NCEH1: variants seen among roughly 807,000 people sequenced by gnomAD.
NCEH1 encodes neutral cholesterol ester hydrolase 1.
NCEH1 carries 9 observed loss-of-function variants against 25.4 expected under a neutral mutation model. That is an observed-to-expected ratio of 0.35 (90% confidence interval 0.21 to 0.62). NCEH1 has a LOEUF of 0.62. NCEH1 is among the 20% of genes least tolerant of loss of function. NCEH1 has a pLI of 0.72. For missense variants in NCEH1, 412 were observed against 501.1 expected (o/e 0.82, Z 1.70); for synonymous variants, 200 against 199.8 (o/e 1.00, Z -0.01).
chr3:172,653,756 T>TGC lies in NCEH1; in HGVS notation c.139-5643_139-5642insGC. On this transcript the variant is annotated intron_variant, in intron 1 of 4. Coordinates refer to ENST00000475381, the MANE Select transcript of NCEH1 (RefSeq NM_020792.6). ...TTCTGTTTTTTTTGTTTTTTTGTTT[T>TGC]TTTGTTTTTTTTTTTTTTTGAGACA... 2.1e-5 allele frequency among the ~76,000 whole-genome samples: 2 copies of TGC among 96,942 alleles called. 1 individual carries two copies. The highest frequency in any genetic ancestry group is 1.0e-4 in the African/African-American group (2 of 19,358). The allele number at this position is 96,942 out of a possible 152,430, so 63.6% of individuals were successfully genotyped here.
intron 3 of NCEH1, among the ~76,000 whole-genome samples, chr3:172,638,018 G>A (rs541111380): frequency 6.6e-6 from 1 of 152,116 alleles, no homozygotes; most frequent in African/African-American, 2.4e-5. Context: ...ACAAGACCTG[G>A]GCGAAAGAGC....
intron 1 of NCEH1, among the ~76,000 whole-genome samples, chr3:172,653,752 G>GTTTTTTGT (rs1717543889): frequency 1.2e-5 from 1 of 83,840 alleles, no homozygotes; most frequent in African/African-American, 4.2e-5. Flanking sequence ...TTGTTTTTTT[G>GTTTTTTGT]TTTTTTTGTT....
chr3:172,641,959 T>C (rs567865662), intron 3 of NCEH1, among the ~76,000 whole-genome samples: 7 of 152,332 alleles, frequency 4.6e-5, no homozygotes, highest in South Asian at 4.1e-4. Flanking sequence ...CCATCACTTA[T>C]CACACTTTTA....
intron 1 of NCEH1, among the ~76,000 whole-genome samples, chr3:172,661,586 G>A (rs543353105): frequency 6.6e-5 from 10 of 152,268 alleles, no homozygotes; most frequent in Non-Finnish European, 1.3e-4. Flanking sequence ...TCACAATATT[G>A]ATTCTTCCTA....
chr3:172,639,536 T>A (rs1716752892), intron 3 of NCEH1, among the ~76,000 whole-genome samples: 1 of 152,186 alleles, frequency 6.6e-6, no homozygotes, highest in South Asian at 2.1e-4. Flanking sequence ...TGCTCAAAGC[T>A]ATGTCCCTGC....
chr3:172,655,809 G>C (rs1174502840), intron 1 of NCEH1, among the ~76,000 whole-genome samples: 1 of 152,094 alleles, frequency 6.6e-6, no homozygotes, highest in Non-Finnish European at 1.5e-5. Context: ...AATTTGCTCA[G>C]GTAAAGTTGA....
Position 172,710,921 on chromosome 3 carries a change from G to A in NCEH1, c.64C>T (p.Pro22Ser), listed in dbSNP as rs1457111286. The A allele has an allele frequency of 6.2e-7, 1 of 1,614,120 alleles. No homozygotes were observed. Among genetic ancestry groups the A allele is most frequent in the African/African-American group, 1.3e-5 (1 of 75,062 alleles). Reference protein sequence around the residue: ...VALAAYYVYIPLPGSVSDPWK... With the variant: ...VALAAYYVYISLPGSVSDPWK... ...GGGTCGGACACGGAGCCAGGCAGCG[G>A]GATGTAGACGTAATAGGCGGCCAGC... Residue 22 changes from proline to serine, a missense_variant, in exon 1 of 5, where the codon CCG (proline) becomes TCG (serine). This residue lies in a region of NCEH1 where 178 missense variants were observed against 189.2 expected (regional missense o/e 0.94). Transcript: ENST00000475381.
chr3:172,630,898 A>AT lies in NCEH1; in HGVS notation c.*2576dup, dbSNP rs1385119691. 4.6e-5 allele frequency: 7 copies of AT among 152,172 alleles called. No individual in the cohort carries two copies. The highest frequency in any genetic ancestry group is 1.0e-4 in the Non-Finnish European group (7 of 68,044). The allele number at this position is 152,172 out of a possible 1,614,324, so 9.4% of individuals were successfully genotyped here. ...TCACAAATCAATAAAACATTAATTT[A>AT]TACTTCACTATACAGCACTTCAAGG... On this transcript the variant is annotated 3_prime_UTR_variant, in exon 5 of 5. Coordinates refer to ENST00000475381, the MANE Select transcript of NCEH1 (RefSeq NM_020792.6).
chr3:172,633,803 T>C lies in NCEH1; in HGVS notation c.899A>G (p.Tyr300Cys), dbSNP rs747216747. ...SLLPASFTKN[Y>C]KPVVQTTGNA... is the part of the protein sequence containing the mutation. ...GCCTGTGGTCTGTACAACAGGCTTG[T>C]AGTTCTTTGTGAAGGATGCAGGCAA... Residue 300 changes from tyrosine to cysteine, a missense_variant, in exon 5 of 5, where the codon TAC (tyrosine) becomes TGC (cysteine). Coordinates refer to ENST00000475381, the MANE Select transcript of NCEH1 (RefSeq NM_020792.6). The C allele has an allele frequency of 1.9e-6, 3 of 1,614,200 alleles. No individual in the cohort carries two copies. The highest frequency in any genetic ancestry group is 2.5e-6 in the Non-Finnish European group (3 of 1,180,036).
intron 1 of NCEH1, among the ~76,000 whole-genome samples, chr3:172,655,520 G>A (rs1011963770): frequency 6.6e-6 from 1 of 152,212 alleles, no homozygotes; most frequent in Non-Finnish European, 1.5e-5. Flanking sequence ...GAGAAGGAGA[G>A]AGAGTTGGGG....
rs767359350 is a variant in NCEH1 at position 172,633,738 on chromosome 3, C to T, written c.964G>A (p.Ala322Thr). ...TCTGCAATGAGTGGGGCGGAGCGGG[C>T]ATCCAGCAACTGAGGAAGCTCCTGG... is the stretch of plus-strand genomic sequence containing the variant. ...IVQELPQLLD[A>T]RSAPLIADQA... The change falls in exon 5 of 5, where the codon GCC becomes ACC. Residue 322 changes from alanine to threonine, a missense_variant. Ala to Thr is a moderately conservative substitution (Grantham distance 58, BLOSUM62 0). Around this residue, in one of 3 missense-constraint regions of NCEH1, gnomAD observed 210 missense variants for 258.2 expected, o/e 0.81. Transcript: ENST00000475381. 1 of 1,614,208 alleles carries T rather than the reference C, an allele frequency of 6.2e-7. No individual in the cohort carries two copies. The highest frequency in any genetic ancestry group is 1.1e-5 in the South Asian group (1 of 91,084).
intron 1 of NCEH1, among the ~76,000 whole-genome samples, chr3:172,709,144 G>C (rs908223640): frequency 9.9e-5 from 15 of 152,192 alleles, no homozygotes; most frequent in African/African-American, 3.4e-4. Flanking sequence ...ACCTTACACA[G>C]CCTTGTCCTT....
intron 1 of NCEH1, among the ~76,000 whole-genome samples, chr3:172,681,821 C>G (rs970409131): frequency 4.0e-5 from 6 of 151,052 alleles, no homozygotes; most frequent in Admixed American, 4.0e-4. Context: ...GCAGGAGAAT[C>G]GCTTAAACCC....
At chr3:172,688,352 AGAAAAT>A in intron 1 of NCEH1, among the ~76,000 whole-genome samples, 1 of 150,716 alleles carries the variant, frequency 6.6e-6, no homozygotes, top group South Asian at 2.1e-4. Flanking sequence ...AAAAAAAAAA[AGAAAAT>A]GGACATGGAG....
In NCEH1 at chr3:172,675,995, C is replaced by G. The variant is rs569936447; in HGVS notation, c.139-27881G>C. On this transcript the variant is annotated intron_variant, in intron 1 of 4. Coordinates refer to ENST00000475381, the MANE Select transcript of NCEH1 (RefSeq NM_020792.6). ...CTGCAAGCAGAACCACACATGGACACGCCATTCTTCCAAGAATCCTTAAAT... is the reference window on the plus strand; with the variant it reads ...CTGCAAGCAGAACCACACATGGACAGGCCATTCTTCCAAGAATCCTTAAAT... Among the ~76,000 whole-genome samples the G allele has an allele frequency of 3.9e-5, 6 of 152,292 alleles. No individual in the cohort carries two copies. In the South Asian group the frequency reaches 1.2e-3, roughly 32 times the overall value.
chr3:172,702,707 G>A (rs1713763866), intron 1 of NCEH1, among the ~76,000 whole-genome samples: 1 of 152,214 alleles, frequency 6.6e-6, no homozygotes, highest in South Asian at 2.1e-4. Context: ...ATTACAGGTA[G>A]GCACGGTGGC....
intron 1 of NCEH1, among the ~76,000 whole-genome samples, chr3:172,666,267 G>A (rs13077152): frequency 0.34 from 51,546 of 151,952 alleles, 8,916 homozygotes; most frequent in South Asian, 0.38. Context: ...GGCTGCCTCC[G>A]GATAACACCA....
intron 1 of NCEH1, among the ~76,000 whole-genome samples, chr3:172,694,370 T>TTATATA (rs141179712): frequency 8.7e-5 from 13 of 149,796 alleles, no homozygotes; most frequent in South Asian, 4.2e-4. Flanking sequence ...GGGGAAAGAG[T>TTATATA]TATATATATG....
intron 1 of NCEH1, among the ~76,000 whole-genome samples, chr3:172,689,631 G>T (rs376469913): frequency 6.9e-6 from 1 of 145,120 alleles, no homozygotes. Context: ...GACCACCTGA[G>T]CGCCAGGAGG....
Sources: allele counts gnomAD v4.1 joint callset (sites outside exome capture counted in the v4.1 genomes callset), GRCh38; gene constraint gnomAD v4.1.1; regional missense constraint gnomAD v4.1.1; transcripts MANE v1.5; gene names NCBI Gene and HGNC (gene_info 2026-07-23, HGNC 2026-07-21).